CFAP46: variants seen among roughly 807,000 people sequenced by gnomAD.
CFAP46 encodes the protein cilia- and flagella-associated protein 46.
A neutral mutation model predicts 325.7 loss-of-function variants in CFAP46; 245 were observed. That is an observed-to-expected ratio of 0.75 (90% CI 0.68 to 0.84). CFAP46 has a LOEUF of 0.84. Ranked by LOEUF, CFAP46 falls within the 40% of genes least tolerant of loss-of-function variation. The pLI, the probability that CFAP46 is intolerant of heterozygous loss-of-function variation, is 0.00. For synonymous variants in CFAP46, 1,523 were observed against 1,495.9 expected, an observed-to-expected ratio of 1.02 and a Z score of -0.42; for missense variants, 3,346 against 3,543.0, an observed-to-expected ratio of 0.94 and a Z score of 1.41.
In CFAP46 at chr10:132,886,271, A is replaced by T. The variant is rs1849129393; in HGVS notation, c.3305-312T>A. ...CAAACACAGACCTGTGTTTCCACGT[A>T]TTAAAGATTGGCGAGCAGGACTTGG... On this transcript the variant is annotated intron_variant, in intron 25 of 57. Transcript: ENST00000368586. The surrounding 1 kb of genome is among the most constrained non-coding windows in gnomAD (Gnocchi z 5.8). Among the ~76,000 whole-genome samples the T allele has an allele frequency of 6.6e-6, 1 of 152,178 alleles. No individual in the cohort carries two copies. The highest frequency in any genetic ancestry group is 2.4e-5 in the African/African-American group (1 of 41,446).
Position 132,857,690 on chromosome 10 carries a change from C to T in CFAP46, c.5474G>A (p.Arg1825Lys), listed in dbSNP as rs765568783. The change falls in exon 39 of 58, where the codon AGG becomes AAG. Residue 1825 changes from arginine to lysine, a missense_variant. Arg to Lys is a conservative substitution (Grantham distance 26). Coordinates refer to ENST00000368586, the MANE Select transcript of CFAP46 (RefSeq NM_001200049.3). ...ATATAAGCCCTGGATGCTGTGAAGC[C>T]TCCCTTCTTCCTCAGCTACGGCACC... ...AQGAVAEEEG[R>K]LHSIQGLYGL... The T allele has an allele frequency of 6.2e-7, 1 of 1,613,732 alleles. No individual in the cohort carries two copies. The highest frequency in any genetic ancestry group is 8.5e-7 in the Non-Finnish European group (1 of 1,179,906).
chr10:132,827,932 AC>A lies in CFAP46; in HGVS notation c.7117+5425del, dbSNP rs1339116167. Among the ~76,000 whole-genome samples the A allele has an allele frequency of 6.6e-6, 1 of 150,752 alleles. No individual in the cohort carries two copies. Among genetic ancestry groups the A allele is most frequent in the African/African-American group, 2.4e-5 (1 of 40,944 alleles). On this transcript the variant is annotated intron_variant, in intron 50 of 57. Transcript: ENST00000368586. This position sits in a 1 kb window ranked among gnomAD's most constrained non-coding sequence, Gnocchi z 5.7. ...GTAATCCTTCTGAGTGAGCCCCGTC[AC>A]CCCTCGGCGTAATCCTTCTGAGTGA...
At chr10:132,844,401 G>A (rs953376030) in intron 44 of CFAP46, among the ~76,000 whole-genome samples, 1 of 152,188 alleles carries the variant, frequency 6.6e-6, no homozygotes, top group Non-Finnish European at 1.5e-5. Context: ...TTTTAGCTTA[G>A]CTAGTTCTCA....
Position 132,808,673 on chromosome 10 carries a change from G to A in CFAP46, c.7896C>T (p.Leu2632=), listed in dbSNP as rs377557028. ...GGGAGAGGCCCAGGAAGGGGAGAGC[G>A]AGCTGGGAGCTGGGGATGGGAGCCG... is the stretch of plus-strand genomic sequence containing the variant. ...HLPAPIPSSQ[L]ALPFLGLSPA... Residue 2632 remains leucine (L), a synonymous_variant, in exon 58 of 58, where the codon CTC becomes CTT. Transcript: ENST00000368586. The surrounding 1 kb of genome is among the most constrained non-coding windows in gnomAD (Gnocchi z 6.8). The A allele has an allele frequency of 5.2e-5, 82 of 1,577,902 alleles. No individual in the cohort carries two copies. The highest frequency in any genetic ancestry group is 3.4e-4 in the Middle Eastern group (2 of 5,834).
intron 9 of CFAP46, among the ~76,000 whole-genome samples, chr10:132,928,807 G>C (rs1016803369): frequency 6.6e-6 from 1 of 152,208 alleles, no homozygotes; most frequent in Admixed American, 6.5e-5. Flanking sequence ...GGAAGAGCCT[G>C]TCACAGTTCC....
intron 56 of CFAP46, 90 bp from the exon 57 acceptor site, chr10:132,810,579 AC>A: frequency 8.6e-7 from 1 of 1,166,402 alleles, no homozygotes; most frequent in South Asian, 1.2e-5. Context: ...CCAGGGGCCC[AC>A]GCACTTTCCC....
chr10:132,942,351 G>A (rs1367416568), intron 1 of CFAP46, 85 bp downstream of exon 1: 8 of 852,492 alleles, frequency 9.4e-6, no homozygotes, highest in Non-Finnish European at 1.2e-5. Context: ...GCTGGGATGA[G>A]AGGGTCCGGG....
intron 4 of CFAP46, 44 bp from the exon 5 acceptor site, chr10:132,938,797 G>A (rs773513005): frequency 6.3e-7 from 1 of 1,580,360 alleles, no homozygotes; most frequent in South Asian, 1.1e-5. Flanking sequence ...TCAAAGCCCA[G>A]CCGGCCCAAG....
intron 22 of CFAP46, among the ~76,000 whole-genome samples, chr10:132,901,740 T>G (rs951451539): frequency 6.6e-6 from 1 of 152,260 alleles, no homozygotes; most frequent in Non-Finnish European, 1.5e-5. Flanking sequence ...GTGTTTTTCA[T>G]CTCCTCTAGC....
At chr10:132,935,683 C>T (rs565897071) in intron 7 of CFAP46, among the ~76,000 whole-genome samples, 48 of 141,700 alleles carry the variant, frequency 3.4e-4, no homozygotes, top group African/African-American at 1.3e-3. Context: ...CTCCTCACTC[C>T]CCTCACATCC....
In CFAP46 at chr10:132,919,138, C is replaced by T. The variant is rs546084948; in HGVS notation, c.1858+177G>A. ...CTCGGCCGACACAGCCAGATGTGGC[C>T]GCCGCCCCATGATTGGCGGTCCTGA... On this transcript the variant is annotated intron_variant, in intron 15 of 57. Coordinates refer to ENST00000368586, the MANE Select transcript of CFAP46 (RefSeq NM_001200049.3). This position sits in a 1 kb window ranked among gnomAD's most constrained non-coding sequence, Gnocchi z 9.7. Among the ~76,000 whole-genome samples the T allele has an allele frequency of 2.5e-3, 388 of 152,288 alleles. 1 individual carries two copies. The highest frequency in any genetic ancestry group is 9.0e-3 in the African/African-American group (376 of 41,562).
intron 24 of CFAP46, among the ~76,000 whole-genome samples, chr10:132,892,832 C>T (rs577818634): frequency 9.2e-5 from 14 of 152,130 alleles, no homozygotes; most frequent in Admixed American, 2.0e-4. Flanking sequence ...TAGGTTGACA[C>T]CATTTTGCTT....
At chr10:132,879,679 T>G in intron 28 of CFAP46, 48 bp from the exon 29 acceptor site, 1 of 1,451,050 alleles carries the variant, frequency 6.9e-7, no homozygotes, top group Non-Finnish European at 9.1e-7. Context: ...GCTACGGGTC[T>G]GTGGGCCCCA....
intron 10 of CFAP46, among the ~76,000 whole-genome samples, chr10:132,926,151 C>T (rs558857428): frequency 3.9e-5 from 6 of 152,360 alleles, no homozygotes; most frequent in Admixed American, 1.3e-4. Context: ...ACGCCAGGGC[C>T]GGCGGTGGCT....
At chr10:132,882,118 ATGGGATGTGGGGTGTGAGTGGTGTGTG>A (rs1849054801) in intron 27 of CFAP46, among the ~76,000 whole-genome samples, 1 of 112,802 alleles carries the variant, frequency 8.9e-6, no homozygotes, top group Admixed American at 8.4e-5. Context: ...TGTGGTCTGT[ATGGGATGTGGGGTGTGAGTGGTGTGTG>A]TGGGATGTGG....
chr10:132,869,137 G>T lies in CFAP46; in HGVS notation c.4610+137C>A, dbSNP rs764845706. The T allele has an allele frequency of 1.6e-6, 1 of 621,046 alleles. No homozygotes were observed. Among genetic ancestry groups the T allele is most frequent in the Non-Finnish European group, 2.5e-6 (1 of 393,146 alleles). 38.5% of individuals were successfully genotyped at this position (621,046 alleles called of 1,614,324 possible). A position where few individuals can be genotyped will look rare whatever the true frequency, so the allele number is the denominator to read the frequency against. On this transcript the variant is annotated intron_variant, in intron 33 of 57. Transcript: ENST00000368586. This position sits in a 1 kb window ranked among gnomAD's most constrained non-coding sequence, Gnocchi z 6.2. ...GCACGACCCAGGAGAACCGGCCACAGCCGTGTCCCCCAAGTGCTCACTCTC... is the reference window on the plus strand; with the variant it reads ...GCACGACCCAGGAGAACCGGCCACATCCGTGTCCCCCAAGTGCTCACTCTC...
At chr10:132,815,622 G>C (rs188477697) in intron 50 of CFAP46, among the ~76,000 whole-genome samples, 73 of 152,278 alleles carry the variant, frequency 4.8e-4, no homozygotes, top group African/African-American at 1.7e-3. Flanking sequence ...ACATCTGTAC[G>C]TTTTAAGGTT....
At position 132,815,336 on chromosome 10, in the gene CFAP46, C is replaced by T. The variant is rs142562329; in HGVS notation, c.7118-422G>A. The stretch of plus-strand genomic sequence containing the variant: ...GCCTGGGAAGGATGGCCACTTCCCT[C>T]CTGTTTCTGCCCCCGACTTTCCTTT... On this transcript the variant is annotated intron_variant, in intron 50 of 57. Coordinates refer to ENST00000368586, the MANE Select transcript of CFAP46 (RefSeq NM_001200049.3). Among the ~76,000 whole-genome samples, 916 of 152,312 alleles carry T rather than the reference C, an allele frequency of 6.0e-3. 10 individuals are homozygous for T. The highest frequency in any genetic ancestry group is 6.8e-3 in the Middle Eastern group (2 of 294).
rs763664033 is a variant in CFAP46, at chr10:132,941,573, G to A, written c.306+18C>T. ...AAAATTGAACTGTTGGGGATAAGGG[G>A]CACAGGACGCCTCTCACCAGGTTTT... On this transcript the variant is annotated intron_variant, in intron 3 of 57. Transcript: ENST00000368586. 6.2e-7 allele frequency: 1 copy of A among 1,608,736 alleles called. No individual in the cohort carries two copies. Among genetic ancestry groups the A allele is most frequent in the Non-Finnish European group, 8.5e-7 (1 of 1,176,762 alleles).
Sources: gnomAD v4.1 joint callset for allele counts (sites outside exome capture counted in the v4.1 genomes callset) on GRCh38, gnomAD v4.1.1 for gene constraint, Gnocchi (gnomAD v3.1) non-coding constraint, MANE v1.5 for transcripts, NCBI Gene and HGNC (gene_info 2026-07-23, HGNC 2026-07-21) for gene names.